The following SIGLEC1 variants were observed in gnomAD, a reference collection of about 807,000 sequenced individuals.
The protein encoded by SIGLEC1 is sialic acid binding Ig like lectin 1.
In SIGLEC1, 132 loss-of-function variants were observed where a neutral mutation model predicts 148.0. The ratio of observed to expected loss-of-function variants is 0.89; its 90% confidence interval spans 0.77 to 1.03. The LOEUF (loss-of-function observed/expected upper bound fraction) is 1.03, where lower values mean the gene tolerates loss of function less well. Among genes scored for constraint, SIGLEC1 ranks in the 50% least tolerant of loss-of-function variants. The pLI is 0.00. For missense variants in SIGLEC1, 2,253 were observed against 2,271.4 expected, an observed-to-expected ratio of 0.99 and a Z score of 0.16; for synonymous variants, 945 against 969.0, an observed-to-expected ratio of 0.98 and a Z score of 0.46.
In SIGLEC1 at chr20:3,692,599, G is replaced by A. The variant is rs751250201; in HGVS notation, c.3952C>T (p.His1318Tyr). Residue 1318 changes from histidine (H) to tyrosine (Y), a missense_variant, in exon 16 of 22, where the codon CAT becomes TAT. Transcript: ENST00000344754. Reference sequence around the variant, plus strand: ...GCCTGGCAAGAGTAGGCGCCTGCATGAGCCCGCGTGGCCACCAGGAATGAG... The same window carrying A: ...GCCTGGCAAGAGTAGGCGCCTGCATAAGCCCGCGTGGCCACCAGGAATGAG... ...SLSFLVATRAHAGAYSCQAQD... is the reference protein window; with the variant it reads ...SLSFLVATRAYAGAYSCQAQD... The A allele has an allele frequency of 1.1e-5, 17 of 1,612,476 alleles. No individual in the cohort carries two copies. The Admixed American group carries it at 2.5e-4, about 24-fold the overall frequency.
chr20:3,692,275 G>A, intron 16 of SIGLEC1, 73 bp from the exon 17 acceptor site: 1 of 1,438,484 alleles, frequency 7.0e-7, no homozygotes, highest in Non-Finnish European at 9.2e-7. Context: ...GCTGCCTGGG[G>A]TTGGTCAGGC....
At position 3,707,247 on chromosome 20, in the gene SIGLEC1, C is replaced by T. The variant is rs763942429; in HGVS notation, c.-109-10G>A. ...TTAGCCCCAGCACCTGCTAGAAGTC[C>T]GAGCCTGTGTCCCCACCTCCTCTGC... On this transcript the variant is annotated splice_polypyrimidine_tract_variant and intron_variant, in intron 1 of 21. Coordinates refer to ENST00000344754, the MANE Select transcript of SIGLEC1 (RefSeq NM_023068.4). 7.2e-5 allele frequency: 60 copies of T among 829,574 alleles called. No homozygotes were observed. Among genetic ancestry groups the T allele is most frequent in the East Asian group, 5.4e-4 (20 of 37,106 alleles). 51.4% of individuals were successfully genotyped at this position (829,574 alleles called of 1,614,324 possible). A position where few individuals can be genotyped will look rare whatever the true frequency, so the allele number is the denominator to read the frequency against.
In SIGLEC1 at chr20:3,700,617, T is replaced by C. The variant is rs1257525578; in HGVS notation, c.1528+725A>G. Reference sequence around the variant, plus strand: ...AAAAGAAAAACCTGGCTTGATCAATTAGCTACCATGCCCTCAGGAGGAGGG... The same window carrying C: ...AAAAGAAAAACCTGGCTTGATCAATCAGCTACCATGCCCTCAGGAGGAGGG... On this transcript the variant is annotated intron_variant, in intron 7 of 21. Transcript: ENST00000344754. Among the ~76,000 whole-genome samples, 3 of 151,768 alleles carry C rather than the reference T, an allele frequency of 2.0e-5. No individual in the cohort carries two copies. The East Asian group carries it at 5.8e-4, about 29-fold the overall frequency.
In SIGLEC1 at chr20:3,706,232, AGGCTGAGACT is replaced by A. The variant is rs543382063; in HGVS notation, c.409+105_409+114del. The A allele has an allele frequency of 5.8e-4, 831 of 1,441,772 alleles. 6 individuals are homozygous for A. The highest frequency in any genetic ancestry group is 4.7e-3 in the East Asian group (203 of 43,634). 89.3% of individuals were successfully genotyped at this position (1,441,772 alleles called of 1,614,324 possible). A position where few individuals can be genotyped will look rare whatever the true frequency, so the allele number is the denominator to read the frequency against. On this transcript the variant is annotated intron_variant, in intron 3 of 21. Coordinates refer to ENST00000344754, the MANE Select transcript of SIGLEC1 (RefSeq NM_023068.4). Reference sequence around the variant, plus strand: ...TGGGCCTACGCCGGGGCTGGAACAGAGGCTGAGACTGGCTGGGGTTAGATTCAGGACAAGG... The same window carrying A: ...TGGGCCTACGCCGGGGCTGGAACAGAGGCTGGGGTTAGATTCAGGACAAGG...
Position 3,690,112 on chromosome 20 carries a change from G to A in SIGLEC1, c.4744C>T (p.Pro1582Ser). 1.2e-6 allele frequency: 2 copies of A among 1,610,598 alleles called. No individual in the cohort carries two copies. Among genetic ancestry groups the A allele is most frequent in the Non-Finnish European group, 8.5e-7 (1 of 1,178,902 alleles). ...LVASSQPQGA[P>S]AEPHIHVLAS... ...AGGACATGGATGTGTGGCTCTGCAGGAGCACCCTGGGGCTGACTGGAGGCC... is the reference window on the plus strand; with the variant it reads ...AGGACATGGATGTGTGGCTCTGCAGAAGCACCCTGGGGCTGACTGGAGGCC... The change falls in exon 19 of 22, where the codon CCT becomes TCT. Residue 1582 changes from proline (P) to serine (S), a missense_variant. Transcript: ENST00000344754.
intron 7 of SIGLEC1, among the ~76,000 whole-genome samples, chr20:3,700,036 G>A (rs897184898): frequency 2.4e-4 from 35 of 143,966 alleles, no homozygotes; most frequent in African/African-American, 8.2e-4. Context: ...TCGAACTCCC[G>A]ACCTCTGGTG....
chr20:3,699,482 G>C, intron 7 of SIGLEC1, 23 bp from the exon 8 acceptor site: 1 of 1,592,918 alleles, frequency 6.3e-7, no homozygotes, highest in Non-Finnish European at 8.5e-7. Flanking sequence ...GAAGAGGCTG[G>C]GAAGGGTCCC....
In SIGLEC1 at chr20:3,692,132, G is replaced by A; in HGVS notation, c.4101C>T (p.Cys1367=). 4 of 1,601,350 alleles carry A rather than the reference G, an allele frequency of 2.5e-6. No homozygotes were observed. Among genetic ancestry groups the A allele is most frequent in the South Asian group, 1.1e-5 (1 of 90,720 alleles). The change falls in exon 17 of 22, where the codon TGC becomes TGT. Residue 1367 remains cysteine (C), a synonymous_variant. Transcript: ENST00000344754. ...CAGCAGGTGGCTCACTGTCCACAGT[G>A]CACTGTATCACAGCCATGGATCTGG... ...SRARSMAVIQ[C]TVDSEPPAEL... is the part of the protein sequence containing the mutation.
Position 3,697,221 on chromosome 20 carries a change from C to G in SIGLEC1, c.2244G>C (p.Gly748=). ...CCAGGGGACCCTGGGCCCACAGCAC[C>G]CCATTTCGGAACCAGGAGAAGTTAG... ...SPANFSWFRN[G]VLWAQGPLET... Residue 748 remains glycine (G), a synonymous_variant, in exon 10 of 22, where the codon GGG becomes GGC. Transcript: ENST00000344754. 1 of 1,613,944 alleles carries G rather than the reference C, an allele frequency of 6.2e-7. No individual in the cohort carries two copies. The highest frequency in any genetic ancestry group is 8.5e-7 in the Non-Finnish European group (1 of 1,180,026).
At chr20:3,689,547 G>A (rs1215282954) in intron 20 of SIGLEC1, 53 bp downstream of exon 20, 15 of 1,266,106 alleles carry the variant, frequency 1.2e-5, no homozygotes, top group African/African-American at 3.0e-5. Flanking sequence ...GGGAGAAGAC[G>A]AGGTGGGCTG....
intron 9 of SIGLEC1, 149 bp from the exon 10 acceptor site, chr20:3,697,491 G>T: frequency 1.0e-6 from 1 of 978,632 alleles, no homozygotes; most frequent in Non-Finnish European, 1.5e-6. Context: ...GGGCAGCCTA[G>T]GAGAAGTGGG....
In SIGLEC1 at chr20:3,702,743, A is replaced by G. The variant is rs554331156; in HGVS notation, c.1228+454T>C. Reference sequence around the variant, plus strand: ...ATATGTAGGTAGATACATAAATAACATATGCATATGTATATAGAGTGTCCA... The same window carrying G: ...ATATGTAGGTAGATACATAAATAACGTATGCATATGTATATAGAGTGTCCA... On this transcript the variant is annotated intron_variant, in intron 6 of 21. Transcript: ENST00000344754. Among the ~76,000 whole-genome samples the G allele has an allele frequency of 5.9e-5, 9 of 152,300 alleles. No homozygotes were observed. The South Asian group carries it at 1.2e-3, about 21-fold the overall frequency.
intron 18 of SIGLEC1, among the ~76,000 whole-genome samples, chr20:3,690,824 C>CTTTTTTTTTTTTTTTTTTTTTTTTTT (rs200631809): frequency 1.7e-4 from 21 of 126,860 alleles, no homozygotes; most frequent in African/African-American, 7.0e-4. Context: ...CTCTTCTTTT[C>CTTTTTTTTTTTTTTTTTTTTTTTTTT]TTTTCTTTTT....
At position 3,703,446 on chromosome 20, in the gene SIGLEC1, C is replaced by T. The variant is rs770582882; in HGVS notation, c.979G>A (p.Glu327Lys). 6.4e-7 allele frequency: 1 copy of T among 1,568,976 alleles called. No individual in the cohort carries two copies. Among genetic ancestry groups the T allele is most frequent in the South Asian group, 1.2e-5 (1 of 82,300 alleles). Residue 327 changes from glutamate to lysine, a missense_variant, in exon 6 of 22, where the codon GAG becomes AAG. By Grantham distance (56) the Glu-to-Lys change is moderately conservative. Transcript: ENST00000344754. ...GGACCTGCTGGGCTCACCTGGACCTCAGCCACTGCAAGGGCAGCATAGGGA... is the reference window on the plus strand; with the variant it reads ...GGACCTGCTGGGCTCACCTGGACCTTAGCCACTGCAAGGGCAGCATAGGGA... Reference protein sequence around the residue: ...PPISLHIFMAEVQVSPAGPIL... With the variant: ...PPISLHIFMAKVQVSPAGPIL...
At chr20:3,705,217 G>A in intron 4 of SIGLEC1, among the ~76,000 whole-genome samples, 1 of 151,944 alleles carries the variant, frequency 6.6e-6, no homozygotes, top group East Asian at 1.9e-4. Context: ...AGCTGGTCTT[G>A]AATCCCTGGC....
chr20:3,691,433 G>A lies in SIGLEC1; in HGVS notation c.4498C>T (p.His1500Tyr). The A allele has an allele frequency of 6.2e-7, 1 of 1,613,296 alleles. No individual in the cohort carries two copies. The highest frequency in any genetic ancestry group is 8.5e-7 in the Non-Finnish European group (1 of 1,180,002). ...AEPVPTLAFT[H>Y]VARAQAGMYH... Reference sequence around the variant, plus strand: ...ATCCCAGCTTGAGCACGAGCCACGTGGGTGAAGGCGAGAGTGGGCACAGGC... The same window carrying A: ...ATCCCAGCTTGAGCACGAGCCACGTAGGTGAAGGCGAGAGTGGGCACAGGC... Residue 1500 changes from histidine (H) to tyrosine (Y), a missense_variant, in exon 18 of 22, where the codon CAC (histidine) becomes TAC (tyrosine). Coordinates refer to ENST00000344754, the MANE Select transcript of SIGLEC1 (RefSeq NM_023068.4).
Position 3,688,407 on chromosome 20 carries a change from A to C in SIGLEC1, c.*153T>G. On this transcript the variant is annotated 3_prime_UTR_variant, in exon 22 of 22. Coordinates refer to ENST00000344754, the MANE Select transcript of SIGLEC1 (RefSeq NM_023068.4). The stretch of plus-strand genomic sequence containing the variant: ...CTCACCACCCATTTTTGGGGGGGCA[A>C]GAGGCTTGGGGCCAGGTCATAAAAA... 1 of 725,544 alleles carries C rather than the reference A, an allele frequency of 1.4e-6. No individual in the cohort carries two copies. Among genetic ancestry groups the C allele is most frequent in the South Asian group, 1.5e-5 (1 of 66,706 alleles). The allele number at this position is 725,544 out of a possible 1,614,324, so 44.9% of individuals were successfully genotyped here. A position where few individuals can be genotyped will look rare whatever the true frequency, so the allele number is the denominator to read the frequency against.
At chr20:3,711,683 T>G (rs1190418258) in intron 1 of SIGLEC1, among the ~76,000 whole-genome samples, 1 of 152,222 alleles carries the variant, frequency 6.6e-6, no homozygotes, top group African/African-American at 2.4e-5. Context: ...GCCAAATGTT[T>G]AATTCTCAGA....
Position 3,689,951 on chromosome 20 carries a change from C to T in SIGLEC1, c.4894+11G>A. ...CAGAGTGGCCTGGGAGATGGAGCCCCCTCCCCTCACCTCTGACCCCAAAGT... is the reference window on the plus strand; with the variant it reads ...CAGAGTGGCCTGGGAGATGGAGCCCTCTCCCCTCACCTCTGACCCCAAAGT... On this transcript the variant is annotated intron_variant, in intron 19 of 21. Transcript: ENST00000344754. The T allele has an allele frequency of 1.2e-6, 2 of 1,605,416 alleles. No individual in the cohort carries two copies. The highest frequency in any genetic ancestry group is 1.1e-5 in the South Asian group (1 of 89,880).
Sources: allele counts gnomAD v4.1 joint callset (sites outside exome capture counted in the v4.1 genomes callset), GRCh38; gene constraint gnomAD v4.1.1; transcripts MANE v1.5; gene names NCBI Gene and HGNC (gene_info 2026-07-23, HGNC 2026-07-21).